CREB3L2: variants seen among roughly 807,000 people sequenced by gnomAD.
The protein encoded by CREB3L2 is cyclic AMP-responsive element-binding protein 3-like protein 2.
Under a neutral mutation model 57.2 loss-of-function variants are expected in CREB3L2, and 23 were observed. That is an observed-to-expected ratio of 0.40 (90% confidence interval 0.29 to 0.57). The LOEUF is 0.57. CREB3L2 is among the 20% of genes least tolerant of loss of function. The pLI is 0.42. For missense variants in CREB3L2, 628 were observed against 634.7 expected (o/e 0.99, Z 0.11); for synonymous variants, 268 against 265.1 (o/e 1.01, Z -0.11).
rs147306444 is a variant in CREB3L2 at position 137,960,731 on chromosome 7, C to T, written c.103-32365G>A. Among the ~76,000 whole-genome samples, 6 of 150,442 alleles carry T rather than the reference C, an allele frequency of 4.0e-5. No homozygotes were observed. In the South Asian group the frequency reaches 1.1e-3, roughly 26 times the overall value. The stretch of plus-strand genomic sequence containing the variant: ...CCATAGTACAACTACTACAGAAGCA[C>T]GTGTTTTATTTCATTTAAATTAACA... On this transcript the variant is annotated intron_variant, in intron 1 of 11. Coordinates refer to ENST00000330387, the MANE Select transcript of CREB3L2 (RefSeq NM_194071.4).
At chr7:137,930,587 T>C (rs763899539) in intron 1 of CREB3L2, among the ~76,000 whole-genome samples, 2 of 152,204 alleles carry the variant, frequency 1.3e-5, no homozygotes, top group African/African-American at 2.4e-5. Context: ...GAGAGGAAGC[T>C]TCTGCAGGCT....
rs1449916556 is a variant in CREB3L2 at position 137,876,160 on chromosome 7, A to G, written c.*4316T>C. 1.7e-5 allele frequency: 4 copies of G among 232,790 alleles called. No individual in the cohort carries two copies. Among genetic ancestry groups the G allele is most frequent in the Non-Finnish European group, 3.4e-5 (4 of 117,600 alleles). The allele number at this position is 232,790 out of a possible 1,614,324, so 14.4% of individuals were successfully genotyped here. On this transcript the variant is annotated 3_prime_UTR_variant, in exon 12 of 12. Transcript: ENST00000330387. ...GCAAATCTGATAGTGGCTCACTTTT[A>G]GGAAACCACTTTTGAGCCTTCAGAA...
chr7:137,911,961 C>T (rs1190509908), intron 4 of CREB3L2, among the ~76,000 whole-genome samples: 1 of 152,170 alleles, frequency 6.6e-6, no homozygotes, highest in Non-Finnish European at 1.5e-5. Flanking sequence ...GCAGAGAGAG[C>T]TTCATTAGAC....
At chr7:137,909,632 G>A (rs1799963812) in intron 4 of CREB3L2, among the ~76,000 whole-genome samples, 1 of 152,064 alleles carries the variant, frequency 6.6e-6, no homozygotes, top group South Asian at 2.1e-4. Flanking sequence ...GAAGGCCACG[G>A]GAAGCCTCAG....
intron 2 of CREB3L2, among the ~76,000 whole-genome samples, chr7:137,925,853 A>G (rs1800443017): frequency 6.6e-6 from 1 of 152,222 alleles, no homozygotes; most frequent in Admixed American, 6.5e-5. Flanking sequence ...CTCAGATAAG[A>G]CACTGGTACT....
rs745986264 is a variant in CREB3L2, at chr7:137,880,028, C to T, written c.*448G>A. The T allele has an allele frequency of 1.2e-5, 3 of 253,246 alleles. No individual in the cohort carries two copies. Among genetic ancestry groups the T allele is most frequent in the Non-Finnish European group, 1.5e-5 (2 of 130,228 alleles). The allele number at this position is 253,246 out of a possible 1,614,324, so 15.7% of individuals were successfully genotyped here. A position where few individuals can be genotyped will look rare whatever the true frequency, so the allele number is the denominator to read the frequency against. On this transcript the variant is annotated 3_prime_UTR_variant, in exon 12 of 12. Transcript: ENST00000330387. The surrounding 1 kb of genome is among the most constrained non-coding windows in gnomAD (Gnocchi z 4.0). Reference sequence around the variant, plus strand: ...ACACCAGAGACCCCAGTGCGAGCAACGGAGGACACGGGTCAGTGCTTTGCC... The same window carrying T: ...ACACCAGAGACCCCAGTGCGAGCAATGGAGGACACGGGTCAGTGCTTTGCC...
chr7:137,974,180 T>A (rs1362684210), intron 1 of CREB3L2, among the ~76,000 whole-genome samples: 6 of 152,118 alleles, frequency 3.9e-5, no homozygotes, highest in African/African-American at 1.4e-4. Flanking sequence ...ACAACGGTGA[T>A]GAAAAGCAAA....
At chr7:137,957,555 T>G (rs140453368) in intron 1 of CREB3L2, among the ~76,000 whole-genome samples, 1 of 152,154 alleles carries the variant, frequency 6.6e-6, no homozygotes, top group African/African-American at 2.4e-5. Flanking sequence ...CTACTTCGCA[T>G]CAGAAAAAAA....
At chr7:137,947,791 A>G (rs542171599) in intron 1 of CREB3L2, among the ~76,000 whole-genome samples, 6 of 152,346 alleles carry the variant, frequency 3.9e-5, no homozygotes, top group African/African-American at 1.4e-4. Flanking sequence ...ACACATTTAT[A>G]TAAGACACAT....
intron 8 of CREB3L2, among the ~76,000 whole-genome samples, chr7:137,888,322 A>ATAAT (rs1299070140): frequency 6.6e-6 from 1 of 152,170 alleles, no homozygotes; most frequent in African/African-American, 2.4e-5. Flanking sequence ...ACTCAACAGC[A>ATAAT]TAATTACTCT....
In CREB3L2 at chr7:137,916,030, AGCACACATGTGAACTT is replaced by A. The variant is rs1563250922; in HGVS notation, c.320-34_320-19del. On this transcript the variant is annotated intron_variant, in intron 2 of 11. Transcript: ENST00000330387. ...CACCTCATCTGCAGGAAAAAAGACA[AGCACACATGTGAACTT>A]GTTCAGGGCATCAGGCATAAGCAAA... 1.2e-6 allele frequency: 2 copies of A among 1,606,766 alleles called. No individual in the cohort carries two copies. The highest frequency in any genetic ancestry group is 2.2e-5 in the South Asian group (2 of 89,862).
intron 8 of CREB3L2, among the ~76,000 whole-genome samples, chr7:137,890,727 G>A (rs1181681273): frequency 6.6e-6 from 1 of 152,336 alleles, no homozygotes; most frequent in East Asian, 1.9e-4. Context: ...TAACTGATAT[G>A]TTGGTTTGAG....
intron 8 of CREB3L2, among the ~76,000 whole-genome samples, chr7:137,886,930 C>T (rs1799431797): frequency 6.6e-6 from 1 of 152,138 alleles, no homozygotes; most frequent in African/African-American, 2.4e-5. Flanking sequence ...AGTTAGAGCA[C>T]CCGGGAAGAG....
At chr7:137,951,177 C>T (rs1190952844) in intron 1 of CREB3L2, among the ~76,000 whole-genome samples, 3 of 152,070 alleles carry the variant, frequency 2.0e-5, no homozygotes, top group Non-Finnish European at 4.4e-5. Context: ...TATCTTTGTG[C>T]TTTTTGTTGG....
rs138063664 is a variant in CREB3L2, at chr7:137,922,867, G to A, written c.319+5283C>T. The A allele has an allele frequency of 3.2e-3, 599 of 184,918 alleles. 5 individuals carry two copies. The highest frequency in any genetic ancestry group is 0.013 in the African/African-American group (554 of 42,186). 11.5% of individuals were successfully genotyped at this position (184,918 alleles called of 1,614,324 possible). ...CCTTTGAGAATTTTCAAAGGAGTTGGCAAATCTTGAACAATTTTTTTATGT... is the reference window on the plus strand; with the variant it reads ...CCTTTGAGAATTTTCAAAGGAGTTGACAAATCTTGAACAATTTTTTTATGT... On this transcript the variant is annotated intron_variant, in intron 2 of 11. Transcript: ENST00000330387.
intron 2 of CREB3L2, among the ~76,000 whole-genome samples, chr7:137,916,447 G>A (rs1027438214): frequency 1.3e-5 from 2 of 152,182 alleles, no homozygotes; most frequent in Non-Finnish European, 2.9e-5. Flanking sequence ...CGGGCACAGT[G>A]GCTCACGCAA....
At chr7:137,893,392 A>T (rs557681510) in intron 8 of CREB3L2, among the ~76,000 whole-genome samples, 1 of 152,252 alleles carries the variant, frequency 6.6e-6, no homozygotes, top group Non-Finnish European at 1.5e-5. Flanking sequence ...GATAATGCAG[A>T]AATGAAAAGT....
At chr7:137,965,760 T>G (rs993287407) in intron 1 of CREB3L2, among the ~76,000 whole-genome samples, 4 of 152,160 alleles carry the variant, frequency 2.6e-5, no homozygotes, top group African/African-American at 9.7e-5. Context: ...CCCACTCCAC[T>G]TAAAACTATG....
intron 1 of CREB3L2, among the ~76,000 whole-genome samples, chr7:137,965,863 C>T (rs1485219410): frequency 6.6e-6 from 1 of 152,218 alleles, no homozygotes; most frequent in Non-Finnish European, 1.5e-5. Flanking sequence ...TAGCCTCCTC[C>T]TCTAGGGCAG....
Sources: allele counts gnomAD v4.1 joint callset (sites outside exome capture counted in the v4.1 genomes callset), GRCh38; gene constraint gnomAD v4.1.1; non-coding constraint Gnocchi (gnomAD v3.1); transcripts MANE v1.5; gene names NCBI Gene and HGNC (gene_info 2026-07-23, HGNC 2026-07-21).